The following DAB1 variants were observed in gnomAD, a reference collection of about 807,000 sequenced individuals.
DAB1 encodes DAB adaptor protein 1.
A neutral mutation model predicts 64.6 loss-of-function variants in DAB1; 15 were observed. That is an observed-to-expected ratio of 0.23 (90% CI 0.16 to 0.36). The LOEUF (loss-of-function observed/expected upper bound fraction) is 0.36. DAB1 is among the 10% of genes least tolerant of loss of function. DAB1 has a pLI of 1.00. For missense variants in DAB1, 596 were observed against 706.7 expected, an observed-to-expected ratio of 0.84 and a Z score of 1.78; for synonymous variants, 235 against 251.9, an observed-to-expected ratio of 0.93 and a Z score of 0.64.
chr1:57,769,966 T>C (rs1649485231), intron 6 of DAB1, among the ~76,000 whole-genome samples: 2 of 152,140 alleles, frequency 1.3e-5, no homozygotes, highest in African/African-American at 4.8e-5. Flanking sequence ...ACATGTGTTA[T>C]AGTCACTGCT....
intron 5 of DAB1, among the ~76,000 whole-genome samples, chr1:57,963,499 G>A (rs1196797445): frequency 6.6e-6 from 1 of 152,182 alleles, no homozygotes; most frequent in Non-Finnish European, 1.5e-5. Context: ...CGTCCTGAAA[G>A]CTGGTGAAGA....
intron 3 of DAB1, among the ~76,000 whole-genome samples, chr1:58,354,152 CG>C (rs1644084804): frequency 6.6e-6 from 1 of 151,948 alleles, no homozygotes; most frequent in Non-Finnish European, 1.5e-5. Flanking sequence ...GATGTAATGA[CG>C]GTGGGAATAA....
Position 58,242,891 on chromosome 1 carries a change from G to GA in DAB1, n.310-92304dup, listed in dbSNP as rs71580860. The stretch of plus-strand genomic sequence containing the variant: ...AGTTCGCCCTCATATGGAGAAGCAG[G>GA]AAAAAAAAAATAACATAAGCAAATG... On this transcript the variant is annotated intron_variant and non_coding_transcript_variant, in intron 4 of 20. Coordinates refer to the DAB1 transcript ENST00000485760. 7.1e-3 allele frequency among the ~76,000 whole-genome samples: 1,047 copies of GA among 148,230 alleles called. 7 individuals are homozygous for GA. Among genetic ancestry groups the GA allele is most frequent in the Non-Finnish European group, 9.9e-3 (660 of 66,804 alleles).
chr1:58,166,750 GT>G (rs35872481), intron 4 of DAB1, among the ~76,000 whole-genome samples: 26,269 of 134,752 alleles, frequency 0.19, 2,873 homozygotes, highest in East Asian at 0.42. Flanking sequence ...TTGTTTGTTC[GT>G]TTTTTTTTTT....
intron 5 of DAB1, chr1:58,056,628 C>A: frequency 1.5e-6 from 1 of 648,896 alleles, no homozygotes; most frequent in Non-Finnish European, 2.8e-6. Context: ...TCTGTCTGAT[C>A]CTCCAGATCC....
At chr1:57,814,209 C>T (rs1157047601) in intron 6 of DAB1, among the ~76,000 whole-genome samples, 3 of 152,292 alleles carry the variant, frequency 2.0e-5, no homozygotes, top group East Asian at 3.9e-4. Flanking sequence ...TCCTGAACCC[C>T]GTGTGTCTTT....
chr1:57,375,947 G>T (rs10047072), intron 1 of DAB1, among the ~76,000 whole-genome samples: 81,473 of 151,952 alleles, frequency 0.54, 22,765 homozygotes, highest in African/African-American at 0.63. Flanking sequence ...GGTTCCTGTC[G>T]TAAGGAAGTT....
chr1:57,201,519 T>G (rs1665095027), intron 2 of DAB1, among the ~76,000 whole-genome samples: 1 of 151,948 alleles, frequency 6.6e-6, no homozygotes, highest in African/African-American at 2.4e-5. Flanking sequence ...GGAAGTCCAC[T>G]TTTCTAGACT....
chr1:57,136,145 G>C (rs924324144), intron 4 of DAB1, among the ~76,000 whole-genome samples: 1 of 152,112 alleles, frequency 6.6e-6, no homozygotes, highest in Non-Finnish European at 1.5e-5. Flanking sequence ...AGGTGCTCCA[G>C]GTTAAACTCA....
chr1:57,868,806 T>C (rs1397575449), intron 1 of DAB1, among the ~76,000 whole-genome samples: 1 of 152,122 alleles, frequency 6.6e-6, no homozygotes, highest in Admixed American at 6.5e-5. Flanking sequence ...AGGCTTCCTC[T>C]ATACAACACA....
intron 4 of DAB1, among the ~76,000 whole-genome samples, chr1:58,300,614 G>GAA (rs1557726085): frequency 4.0e-3 from 177 of 44,642 alleles, no homozygotes; most frequent in Middle Eastern, 0.036. Context: ...GAAAGAAAGA[G>GAA]AGAGAGAGAG....
At position 58,375,230 on chromosome 1, in the gene DAB1, G is replaced by A. The variant is rs1011170040; in HGVS notation, n.258-31827C>T. Among the ~76,000 whole-genome samples, 45 of 146,000 alleles carry A rather than the reference G, an allele frequency of 3.1e-4. 2 individuals are homozygous for A. Among genetic ancestry groups the A allele is most frequent in the African/African-American group, 8.6e-4 (34 of 39,450 alleles). On this transcript the variant is annotated intron_variant and non_coding_transcript_variant, in intron 3 of 20. Coordinates refer to the DAB1 transcript ENST00000485760. Reference sequence around the variant, plus strand: ...TTCCAACACTATGTTGAATAGGAGCGGTGAGAGAGGGCATCCCTGTCTTGT... The same window carrying A: ...TTCCAACACTATGTTGAATAGGAGCAGTGAGAGAGGGCATCCCTGTCTTGT...
chr1:57,787,325 C>CA (rs1650382069), intron 6 of DAB1, among the ~76,000 whole-genome samples: 1 of 151,940 alleles, frequency 6.6e-6, no homozygotes, highest in South Asian at 2.1e-4. Context: ...TATAAATAGA[C>CA]AAATACATAA....
chr1:58,045,308 C>T (rs1456989538), intron 5 of DAB1, among the ~76,000 whole-genome samples: 4 of 152,178 alleles, frequency 2.6e-5, no homozygotes, highest in Middle Eastern at 6.3e-3. Flanking sequence ...CTCACCTACT[C>T]ATTACTGCCA....
At chr1:57,129,167 A>G (rs753717393) in intron 4 of DAB1, among the ~76,000 whole-genome samples, 3 of 152,152 alleles carry the variant, frequency 2.0e-5, no homozygotes, top group East Asian at 3.9e-4. Flanking sequence ...GAGTTGACCA[A>G]ATCTGCTTGG....
chr1:57,128,854 A>C (rs1331667332), intron 4 of DAB1, among the ~76,000 whole-genome samples: 1 of 152,168 alleles, frequency 6.6e-6, no homozygotes, highest in Non-Finnish European at 1.5e-5. Flanking sequence ...GGCCCTCACT[A>C]TGCCCATGAA....
intron 2 of DAB1, among the ~76,000 whole-genome samples, chr1:57,248,195 G>C (rs1221322371): frequency 6.6e-6 from 1 of 152,030 alleles, no homozygotes; most frequent in Non-Finnish European, 1.5e-5. Context: ...TGTAAATAGT[G>C]AATCTATTTT....
At chr1:57,850,615 T>C (rs1347737145) in intron 1 of DAB1, among the ~76,000 whole-genome samples, 1 of 152,134 alleles carries the variant, frequency 6.6e-6, no homozygotes, top group Non-Finnish European at 1.5e-5. Flanking sequence ...TCCTGTGGAG[T>C]GGCCTGTGGG....
intron 5 of DAB1, among the ~76,000 whole-genome samples, chr1:58,081,588 C>G (rs1650001259): frequency 6.6e-6 from 1 of 152,208 alleles, no homozygotes; most frequent in Admixed American, 6.5e-5. Flanking sequence ...CATAGTATCC[C>G]CAACCACTGT....
Sources: gnomAD v4.1 joint callset for allele counts (sites outside exome capture counted in the v4.1 genomes callset) on GRCh38, gnomAD v4.1.1 for gene constraint, MANE v1.5 for transcripts, NCBI Gene and HGNC (gene_info 2026-07-23, HGNC 2026-07-21) for gene names.